MYO3B: variants seen among roughly 807,000 people sequenced by gnomAD.
The protein encoded by MYO3B is myosin-IIIb.
MYO3B carries 156 observed loss-of-function variants against 174.6 expected under a neutral mutation model. That is an observed-to-expected ratio of 0.89 (90% CI 0.78 to 1.02). MYO3B has a LOEUF of 1.02. Ranked by LOEUF, MYO3B falls within the 50% of genes least tolerant of loss-of-function variation. The pLI is 0.00. For missense variants in MYO3B, 1,632 were observed against 1,639.4 expected (o/e 1.00, Z 0.08); for synonymous variants, 563 against 569.1 (o/e 0.99, Z 0.15).
At chr2:170,398,228 GAAAAAAAAAAAA>G (rs34432719) in intron 16 of MYO3B, among the ~76,000 whole-genome samples, 5 of 87,960 alleles carry the variant, frequency 5.7e-5, no homozygotes, top group East Asian at 3.6e-4. Flanking sequence ...TGTCTCAAAA[GAAAAAAAAAAAA>G]AAAAAAAAAA....
At chr2:170,541,383 G>C (rs1227882408) in intron 30 of MYO3B, among the ~76,000 whole-genome samples, 1 of 152,118 alleles carries the variant, frequency 6.6e-6, no homozygotes, top group African/African-American at 2.4e-5. Context: ...ATATATTATG[G>C]TTCAGAGGAA....
At chr2:170,573,227 G>GTGTATATATATATATATATA (rs1446970724) in intron 32 of MYO3B, among the ~76,000 whole-genome samples, 19 of 46,462 alleles carry the variant, frequency 4.1e-4, no homozygotes, top group South Asian at 2.3e-3. Context: ...TATACTGTGT[G>GTGTATATATATATATATATA]TATATATATA....
Position 170,232,003 on chromosome 2 carries a change from C to T in MYO3B, c.604-3988C>T, listed in dbSNP as rs376513461. 1.8e-4 allele frequency among the ~76,000 whole-genome samples: 28 copies of T among 152,246 alleles called. No homozygotes were observed. The South Asian group carries it at 2.7e-3, about 15-fold the overall frequency. ...TGGGATCCTGGACCTTTGTCAACAC[C>T]GTCTCATTTCTCTCCACTCCTTTAA... On this transcript the variant is annotated intron_variant, in intron 6 of 34. Coordinates refer to ENST00000408978, the MANE Select transcript of MYO3B (RefSeq NM_138995.5).
chr2:170,406,568 G>A (rs1574930027), intron 21 of MYO3B, among the ~76,000 whole-genome samples: 1 of 152,136 alleles, frequency 6.6e-6, no homozygotes, highest in East Asian at 1.9e-4. Context: ...CTCAGAGTCT[G>A]AAATACCAGC....
intron 28 of MYO3B, among the ~76,000 whole-genome samples, chr2:170,506,913 T>C (rs2106102529): frequency 6.6e-6 from 1 of 152,372 alleles, no homozygotes; most frequent in Admixed American, 6.5e-5. Context: ...AAAACAAGCA[T>C]GCCCTCTGTC....
chr2:170,504,201 T>G (rs1687476538), intron 28 of MYO3B, among the ~76,000 whole-genome samples: 1 of 152,238 alleles, frequency 6.6e-6, no homozygotes, highest in Non-Finnish European at 1.5e-5. Flanking sequence ...CATTTCCGGT[T>G]GTTTTCTAAG....
At chr2:170,568,217 G>A (rs1692200580) in intron 32 of MYO3B, among the ~76,000 whole-genome samples, 1 of 152,230 alleles carries the variant, frequency 6.6e-6, no homozygotes, top group African/African-American at 2.4e-5. Context: ...GAAGGGGTAT[G>A]TAAAGTTATC....
intron 32 of MYO3B, among the ~76,000 whole-genome samples, chr2:170,591,492 A>G (rs1279178151): frequency 6.6e-6 from 1 of 152,118 alleles, no homozygotes; most frequent in Admixed American, 6.5e-5. Flanking sequence ...GTTAATGACA[A>G]AGAGGTTAGT....
chr2:170,376,566 A>G (rs780072302), intron 9 of MYO3B, among the ~76,000 whole-genome samples: 2 of 150,710 alleles, frequency 1.3e-5, no homozygotes, highest in African/African-American at 2.4e-5. Flanking sequence ...GAGGACTGAC[A>G]TCTTTGAGCC....
At chr2:170,433,961 T>C (rs1173587421) in intron 22 of MYO3B, among the ~76,000 whole-genome samples, 1 of 152,208 alleles carries the variant, frequency 6.6e-6, no homozygotes, top group Non-Finnish European at 1.5e-5. Flanking sequence ...GCCCATTTAT[T>C]GATATTAACG....
At chr2:170,648,270 A>G (rs1466515935) in intron 32 of MYO3B, among the ~76,000 whole-genome samples, 1 of 152,212 alleles carries the variant, frequency 6.6e-6, no homozygotes, top group Non-Finnish European at 1.5e-5. Context: ...GAAGAGGTGG[A>G]TGAAAATGTC....
intron 32 of MYO3B, among the ~76,000 whole-genome samples, chr2:170,611,330 ATGAT>A (rs1257492601): frequency 6.6e-6 from 1 of 152,212 alleles, no homozygotes; most frequent in African/African-American, 2.4e-5. Context: ...TCTATCAACA[ATGAT>A]TGGGCTTTTT....
At chr2:170,484,926 C>G (rs1685934035) in intron 25 of MYO3B, among the ~76,000 whole-genome samples, 1 of 152,070 alleles carries the variant, frequency 6.6e-6, no homozygotes, top group African/African-American at 2.4e-5. Flanking sequence ...CAAAATAGTT[C>G]TGCTACCTCC....
rs529196257 is a variant in MYO3B at position 170,336,873 on chromosome 2, T to C, written c.815+1423T>C. The stretch of plus-strand genomic sequence containing the variant: ...TCAGGGTCCCTGAATTTGTTTGCTT[T>C]TCCTATCCCTCCTGGACTTTTGCCA... On this transcript the variant is annotated intron_variant, in intron 8 of 34. Transcript: ENST00000408978. Among the ~76,000 whole-genome samples, 3 of 152,220 alleles carry C rather than the reference T, an allele frequency of 2.0e-5. No individual in the cohort carries two copies. The East Asian group carries it at 5.8e-4, about 29-fold the overall frequency.
intron 32 of MYO3B, among the ~76,000 whole-genome samples, chr2:170,552,408 C>T (rs1176986143): frequency 6.6e-6 from 1 of 152,120 alleles, no homozygotes; most frequent in Non-Finnish European, 1.5e-5. Context: ...TCTTGCTATG[C>T]TTATCAAAGA....
intron 25 of MYO3B, among the ~76,000 whole-genome samples, chr2:170,495,366 A>G (rs1009961356): frequency 6.6e-5 from 10 of 152,196 alleles, no homozygotes; most frequent in African/African-American, 2.4e-4. Context: ...TTACTTGATT[A>G]CTATAGATAT....
At chr2:170,318,527 G>A (rs184469370) in intron 7 of MYO3B, among the ~76,000 whole-genome samples, 176 of 152,306 alleles carry the variant, frequency 1.2e-3, no homozygotes, top group Non-Finnish European at 2.0e-3. Flanking sequence ...AAGCTAGGAT[G>A]CTGATGTGGT....
intron 32 of MYO3B, among the ~76,000 whole-genome samples, chr2:170,635,102 C>T (rs911100511): frequency 6.6e-6 from 1 of 152,106 alleles, no homozygotes; most frequent in African/African-American, 2.4e-5. Context: ...CCCAGGGATC[C>T]CATTACTGGG....
chr2:170,517,334 C>T (rs1395402336), intron 29 of MYO3B, among the ~76,000 whole-genome samples: 2 of 152,094 alleles, frequency 1.3e-5, no homozygotes, highest in African/African-American at 2.4e-5. Flanking sequence ...CTATGGAAAC[C>T]CCAGCAAAGT....
Sources: gnomAD v4.1 joint callset for allele counts (sites outside exome capture counted in the v4.1 genomes callset) on GRCh38, gnomAD v4.1.1 for gene constraint, MANE v1.5 for transcripts, NCBI Gene and HGNC (gene_info 2026-07-23, HGNC 2026-07-21) for gene names.